SCEL: variants seen among roughly 807,000 people sequenced by gnomAD.
SCEL encodes the protein sciellin.
A neutral mutation model predicts 117.6 loss-of-function variants in SCEL; 113 were observed. That is an observed-to-expected ratio of 0.96 (90% CI 0.83 to 1.12). The LOEUF (loss-of-function observed/expected upper bound fraction) is 1.12. Ranked by LOEUF, SCEL falls within the 50% of genes most tolerant of loss-of-function variation. The probability of loss-of-function intolerance (pLI) is 0.00; values close to 1 mark genes in which losing one functional copy is unlikely to be tolerated. For missense variants in SCEL, 785 were observed against 810.8 expected (o/e 0.97, Z 0.39); for synonymous variants, 270 against 256.2 (o/e 1.05, Z -0.51).
At chr13:77,569,951 C>G (rs926550066) in intron 8 of SCEL, among the ~76,000 whole-genome samples, 6 of 152,128 alleles carry the variant, frequency 3.9e-5, no homozygotes, top group Non-Finnish European at 8.8e-5. Context: ...GTGCTGAGTC[C>G]TATGTAATTA....
At position 77,536,992 on chromosome 13, in the gene SCEL, G is replaced by T. The variant is rs562083628; in HGVS notation, c.-20+1168G>T. On this transcript the variant is annotated intron_variant, in intron 1 of 32. Transcript: ENST00000349847. ...ATAAAATGTGATTACATTTAAAACT[G>T]TCTTTCACTTCCATAGTTTATAACG... 2.0e-5 allele frequency among the ~76,000 whole-genome samples: 3 copies of T among 152,316 alleles called. No individual in the cohort carries two copies. In the South Asian group the frequency reaches 6.2e-4, roughly 32 times the overall value.
At chr13:77,612,086 A>C (rs1002404849) in intron 22 of SCEL, among the ~76,000 whole-genome samples, 1 of 152,166 alleles carries the variant, frequency 6.6e-6, no homozygotes, top group African/African-American at 2.4e-5. Context: ...CACATGATAA[A>C]ATGAACCTAT....
intron 3 of SCEL, among the ~76,000 whole-genome samples, chr13:77,557,041 A>T (rs2084698708): frequency 1.3e-5 from 2 of 152,218 alleles, no homozygotes; most frequent in Admixed American, 6.5e-5. Context: ...GTAACAGTTA[A>T]TCCATGATCG....
intron 1 of SCEL, among the ~76,000 whole-genome samples, chr13:77,545,909 G>T (rs632519): frequency 6.6e-6 from 1 of 152,272 alleles, no homozygotes; most frequent in Non-Finnish European, 1.5e-5. Flanking sequence ...CCACAGTATT[G>T]CTCATTTATA....
chr13:77,594,288 G>A (rs762342524), intron 12 of SCEL, among the ~76,000 whole-genome samples: 10 of 152,162 alleles, frequency 6.6e-5, no homozygotes, highest in South Asian at 2.1e-4. Context: ...AAGCCCTTGC[G>A]AACCTGGCTC....
chr13:77,627,943 T>C lies in SCEL; in HGVS notation c.1629-4T>C. Reference sequence around the variant, plus strand: ...TATTCATATATATATATTTTTTTCCTTAGAGACCAGAACCTGGAAAATTTA... The same window carrying C: ...TATTCATATATATATATTTTTTTCCCTAGAGACCAGAACCTGGAAAATTTA... On this transcript the variant is annotated splice_region_variant and splice_polypyrimidine_tract_variant and intron_variant, in intron 27 of 32. Coordinates refer to ENST00000349847, the MANE Select transcript of SCEL (RefSeq NM_144777.3). The C allele has an allele frequency of 1.5e-6, 2 of 1,370,306 alleles. No individual in the cohort carries two copies. Among genetic ancestry groups the C allele is most frequent in the Non-Finnish European group, 2.0e-6 (2 of 989,006 alleles). The allele number at this position is 1,370,306 out of a possible 1,614,324, so 84.9% of individuals were successfully genotyped here.
chr13:77,565,327 A>G (rs1451474691), intron 5 of SCEL, among the ~76,000 whole-genome samples: 1 of 152,158 alleles, frequency 6.6e-6, no homozygotes, highest in Admixed American at 6.5e-5. Context: ...GTGGAACTCA[A>G]GCATTTTTTT....
At position 77,618,492 on chromosome 13, in the gene SCEL, TTTC is replaced by T. The variant is rs150692702; in HGVS notation, c.1628+438_1628+440del. 4.5e-3 allele frequency among the ~76,000 whole-genome samples: 679 copies of T among 152,230 alleles called. 19 individuals carry two copies. In the East Asian group the frequency reaches 0.082, roughly 18 times the overall value. ...CCACTCCTTCCTATCCTTTTTTTCTTTTCTTCTTTTCTCCTTTCTTCCTTCCTG... is the reference window on the plus strand; with the variant it reads ...CCACTCCTTCCTATCCTTTTTTTCTTTTCTTTTCTCCTTTCTTCCTTCCTG... On this transcript the variant is annotated intron_variant, in intron 27 of 32. Coordinates refer to ENST00000349847, the MANE Select transcript of SCEL (RefSeq NM_144777.3).
At chr13:77,581,089 T>A (rs1485038828) in intron 9 of SCEL, among the ~76,000 whole-genome samples, 1 of 152,214 alleles carries the variant, frequency 6.6e-6, no homozygotes, top group Non-Finnish European at 1.5e-5. Context: ...TTTGATGTCA[T>A]GCTAAATAAA....
At chr13:77,642,582 G>A (rs181591775) in intron 31 of SCEL, 124 bp from the exon 32 acceptor site, 103 of 539,664 alleles carry the variant, frequency 1.9e-4, no homozygotes, top group African/African-American at 1.8e-3. Flanking sequence ...TGTGAGTGAA[G>A]TAGAAAACTT....
intron 9 of SCEL, among the ~76,000 whole-genome samples, chr13:77,575,182 CTTGTG>C (rs977998350): frequency 1.3e-5 from 2 of 152,102 alleles, no homozygotes; most frequent in African/African-American, 4.8e-5. Context: ...AGATTAAAAA[CTTGTG>C]TTGTATTGTG....
In SCEL at chr13:77,555,900, AT is replaced by A; in HGVS notation, c.26del (p.Met9SerfsTer8). 6.2e-7 allele frequency: 1 copy of A among 1,613,586 alleles called. No individual in the cohort carries two copies. Among genetic ancestry groups the A allele is most frequent in the Non-Finnish European group, 8.5e-7 (1 of 1,179,636 alleles). Reference protein sequence around the residue: MSNVTLRKMSPTGNEMKST... With the variant: MSNVTLRKXSPTGNEMKST... ...CATGTCCAATGTTACCTTGAGAAAA[AT>A]GTCTCCCACAGGAAATGGTAATGTA... On this transcript the variant is annotated frameshift_variant, in exon 2 of 33. Transcript: ENST00000349847. LOFTEE classifies it high-confidence loss of function.
At position 77,541,236 on chromosome 13, in the gene SCEL, TAAGA is replaced by T. The variant is rs999038948; in HGVS notation, c.-20+5419_-20+5422del. Reference sequence around the variant, plus strand: ...AATTGTCAATGGATAATTTATAAAATAAGAAAGAAAATGCCCTGTAAAGTGAAGA... The same window carrying T: ...AATTGTCAATGGATAATTTATAAAATAAGAAAATGCCCTGTAAAGTGAAGA... On this transcript the variant is annotated intron_variant, in intron 1 of 32. Coordinates refer to ENST00000349847, the MANE Select transcript of SCEL (RefSeq NM_144777.3). Among the ~76,000 whole-genome samples the T allele has an allele frequency of 4.7e-3, 718 of 152,168 alleles. 2 individuals are homozygous for T. Among genetic ancestry groups the T allele is most frequent in the African/African-American group, 0.016 (681 of 41,532 alleles).
At chr13:77,548,881 C>G (rs546361567) in intron 1 of SCEL, among the ~76,000 whole-genome samples, 7 of 152,142 alleles carry the variant, frequency 4.6e-5, no homozygotes, top group Middle Eastern at 6.8e-3. Context: ...TATAAATTAC[C>G]CAGTCTTGGG....
chr13:77,571,728 T>C (rs149273346), intron 8 of SCEL, among the ~76,000 whole-genome samples: 2 of 150,654 alleles, frequency 1.3e-5, no homozygotes, highest in African/African-American at 4.9e-5. Flanking sequence ...TATATATATA[T>C]ATAGAGTAGA....
Position 77,572,208 on chromosome 13 carries a change from G to C in SCEL, c.545+19G>C. On this transcript the variant is annotated intron_variant, in intron 9 of 32. Coordinates refer to ENST00000349847, the MANE Select transcript of SCEL (RefSeq NM_144777.3). The stretch of plus-strand genomic sequence containing the variant: ...GGAGACGGTAAGGGAAAGGTGTCAG[G>C]CGTAATTGCTGTGCCATTAGATGGA... 6.4e-7 allele frequency: 1 copy of C among 1,574,082 alleles called. No homozygotes were observed. Among genetic ancestry groups the C allele is most frequent in the South Asian group, 1.1e-5 (1 of 89,682 alleles).
chr13:77,625,191 C>A (rs2089666162), intron 27 of SCEL, among the ~76,000 whole-genome samples: 1 of 152,140 alleles, frequency 6.6e-6, no homozygotes, highest in Non-Finnish European at 1.5e-5. Context: ...TCATGGAATA[C>A]CATGATATTC....
At chr13:77,604,250 A>G (rs2087942101) in intron 18 of SCEL, 106 bp from the exon 19 acceptor site, 1 of 652,950 alleles carries the variant, frequency 1.5e-6, no homozygotes, top group Non-Finnish European at 2.6e-6. Context: ...TTACATTGAT[A>G]TAGAAAACTT....
chr13:77,575,550 G>A (rs1431392895), intron 9 of SCEL, among the ~76,000 whole-genome samples: 1 of 152,166 alleles, frequency 6.6e-6, no homozygotes, highest in Non-Finnish European at 1.5e-5. Context: ...TATGCAATAA[G>A]AGAGTTCAGA....
Sources: allele counts gnomAD v4.1 joint callset (sites outside exome capture counted in the v4.1 genomes callset), GRCh38; gene constraint gnomAD v4.1.1; transcripts MANE v1.5; gene names NCBI Gene and HGNC (gene_info 2026-07-23, HGNC 2026-07-21).